Variants in PYDC5 observed in about 807,000 individuals in gnomAD.
PYDC5 encodes the protein pyrin domain containing 5, also known as pyrin domain-containing protein 5.
chr1:159,002,540 C>T, the PYDC5 span, among the ~76,000 whole-genome samples: 5 of 150,638 alleles, frequency 3.3e-5, no homozygotes, highest in Non-Finnish European at 5.9e-5. Context: ...CAAAATAGCA[C>T]GATACCGTTA....
the PYDC5 span, among the ~76,000 whole-genome samples, chr1:159,001,845 A>G: frequency 1.3e-5 from 2 of 152,250 alleles, no homozygotes; most frequent in East Asian, 3.8e-4. Flanking sequence ...AGTATTTGCT[A>G]TAGGGTAAAA....
At chr1:159,000,647 A>G in the PYDC5 span, among the ~76,000 whole-genome samples, 6 of 152,308 alleles carry the variant, frequency 3.9e-5, no homozygotes, top group Admixed American at 2.6e-4. Flanking sequence ...TGCAATTTAA[A>G]TTTTTTGACA....
the PYDC5 span, among the ~76,000 whole-genome samples, chr1:159,001,345 C>A: frequency 9.5e-4 from 145 of 152,244 alleles, no homozygotes; most frequent in African/African-American, 3.3e-3. Flanking sequence ...CTGAAGATAA[C>A]CAACTGTGAC....
the PYDC5 span, among the ~76,000 whole-genome samples, chr1:159,000,656 C>A: frequency 6.6e-6 from 1 of 152,176 alleles, no homozygotes; most frequent in Admixed American, 6.5e-5. Context: ...AATTTTTTGA[C>A]ATGTATACAG....
the PYDC5 span, chr1:159,000,471 A>G: frequency 0.011 from 1,749 of 154,090 alleles, 33 homozygotes; most frequent in African/African-American, 0.04. Context: ...GAAATATAAG[A>G]AATAACTTTT....
At chr1:159,000,084 AT>A in the PYDC5 span, 3 of 163,298 alleles carry the variant, frequency 1.8e-5, no homozygotes. Context: ...TCCCGAAGAC[AT>A]TTTGCCACAA....
the PYDC5 span, among the ~76,000 whole-genome samples, chr1:159,001,164 G>A: frequency 2.6e-5 from 4 of 152,050 alleles, no homozygotes; most frequent in Admixed American, 6.6e-5. Context: ...TGTCCCATTT[G>A]TACAGCCCAT....
At chr1:159,001,863 C>A in the PYDC5 span, among the ~76,000 whole-genome samples, 1 of 151,788 alleles carries the variant, frequency 6.6e-6, no homozygotes, top group Non-Finnish European at 1.5e-5. Context: ...AAATGTATAC[C>A]CAAAGAAAAT....
the PYDC5 span, chr1:158,999,992 G>T: frequency 6.5e-6 from 1 of 152,874 alleles, no homozygotes; most frequent in South Asian, 2.1e-4. Flanking sequence ...TCCCAGAAAT[G>T]CCATGAAAGG....
chr1:159,000,822 T>G, the PYDC5 span, among the ~76,000 whole-genome samples: 1 of 152,108 alleles, frequency 6.6e-6, no homozygotes, highest in African/African-American at 2.4e-5. Flanking sequence ...TGGGGGTGGA[T>G]CCCTCATGAA....
the PYDC5 span, among the ~76,000 whole-genome samples, chr1:159,001,712 T>G: frequency 5.3e-5 from 8 of 152,182 alleles, no homozygotes; most frequent in Non-Finnish European, 1.2e-4. Context: ...ACAACCCTAT[T>G]ACGTGCTAAC....
At chr1:159,001,439 A>G in the PYDC5 span, among the ~76,000 whole-genome samples, 2 of 152,234 alleles carry the variant, frequency 1.3e-5, no homozygotes, top group Admixed American at 6.5e-5. Flanking sequence ...ATTTTTTCCT[A>G]TAGACAGGTG....
At chr1:159,000,622 C>A in the PYDC5 span, among the ~76,000 whole-genome samples, 3 of 152,138 alleles carry the variant, frequency 2.0e-5, no homozygotes, top group Admixed American at 1.3e-4. Context: ...CAACACAATG[C>A]ACATATTTCA....
the PYDC5 span, chr1:159,000,134 C>G: frequency 1.9e-3 from 341 of 175,204 alleles, 2 homozygotes; most frequent in African/African-American, 7.8e-3. Context: ...GTCTTCCTCA[C>G]TGCAGACACC....
the PYDC5 span, among the ~76,000 whole-genome samples, chr1:159,000,790 T>G: frequency 6.6e-6 from 1 of 152,194 alleles, no homozygotes; most frequent in Non-Finnish European, 1.5e-5. Context: ...GAGGTGGGGC[T>G]TGACGGGAAG....
chr1:159,002,229 C>A, the PYDC5 span, among the ~76,000 whole-genome samples: 2 of 152,024 alleles, frequency 1.3e-5, no homozygotes, highest in African/African-American at 4.8e-5. Flanking sequence ...GAATTCAAGT[C>A]TTCTGAATCC....
chr1:159,000,913 T>C, the PYDC5 span, among the ~76,000 whole-genome samples: 3 of 152,214 alleles, frequency 2.0e-5, no homozygotes, highest in East Asian at 3.9e-4. Flanking sequence ...GTGTAGCACA[T>C]TGAAGACCTA....
the PYDC5 span, among the ~76,000 whole-genome samples, chr1:159,002,200 A>G: frequency 1.3e-5 from 2 of 152,172 alleles, no homozygotes; most frequent in Non-Finnish European, 2.9e-5. Context: ...ACAGCTAGTA[A>G]AAGACAGTAC....
the PYDC5 span, chr1:159,000,265 G>T: frequency 3.9e-6 from 1 of 257,814 alleles, no homozygotes. Context: ...CATCGGTGAT[G>T]TTATCCAGGC....
Sources: gnomAD v4.1 joint callset for allele counts (sites outside exome capture counted in the v4.1 genomes callset) on GRCh38, gnomAD v4.1.1 for gene constraint, MANE v1.5 for transcripts, NCBI Gene and HGNC (gene_info 2026-07-23, HGNC 2026-07-21) for gene names.